Variants in RNF214 observed in about 807,000 individuals in gnomAD.
The protein encoded by RNF214 is ring finger protein 214.
A neutral mutation model predicts 75.9 loss-of-function variants in RNF214; 25 were observed. The ratio of observed to expected loss-of-function variants is 0.33; its 90% CI spans 0.24 to 0.46. The LOEUF (loss-of-function observed/expected upper bound fraction) is 0.46, where lower values mean the gene tolerates loss of function less well. RNF214 is among the 20% of genes least tolerant of loss of function. The pLI, the probability that RNF214 is intolerant of heterozygous loss-of-function variation, is 1.00. For missense variants in RNF214, 725 were observed against 857.5 expected, an observed-to-expected ratio of 0.85 and a Z score of 1.93; for synonymous variants, 314 against 308.8, an observed-to-expected ratio of 1.02 and a Z score of -0.18.
chr11:117,280,353 C>T (rs1354106441), intron 8 of RNF214, 94 bp downstream of exon 8: 10 of 815,554 alleles, frequency 1.2e-5, no homozygotes, highest in Admixed American at 5.8e-5. Flanking sequence ...TAGTCTGGCA[C>T]TTATTCTATC....
At position 117,265,472 on chromosome 11, in the gene RNF214, G is replaced by GGCGT. The variant is rs1235941637; in HGVS notation, c.960-14434_960-14431dup. ...CTTGTTGCCCAGGCTGGAGTGCAAT[G>GGCGT]GCGTGATCTGGGCTCACTGCAACCT... On this transcript the variant is annotated intron_variant, in intron 6 of 14. Coordinates refer to ENST00000300650, the MANE Select transcript of RNF214 (RefSeq NM_207343.4). Among the ~76,000 whole-genome samples, 8 of 151,870 alleles carry GGCGT rather than the reference G, an allele frequency of 5.3e-5. No individual in the cohort carries two copies. In the East Asian group the frequency reaches 1.6e-3, roughly 29 times the overall value.
intron 4 of RNF214, among the ~76,000 whole-genome samples, chr11:117,241,220 A>C (rs1235976086): frequency 6.6e-6 from 1 of 151,800 alleles, no homozygotes; most frequent in Non-Finnish European, 1.5e-5. Context: ...ATTAGCCTGT[A>C]ATCCCAGCTA....
chr11:117,253,930 C>T (rs960552446), intron 6 of RNF214, among the ~76,000 whole-genome samples: 5 of 151,964 alleles, frequency 3.3e-5, no homozygotes, highest in Non-Finnish European at 7.4e-5. Context: ...GGGAGTTATT[C>T]ATTGGAAGCA....
rs563367339 is a variant in RNF214 at position 117,240,988 on chromosome 11, G to A, written c.678+1128G>A. Among the ~76,000 whole-genome samples, 5 of 151,858 alleles carry A rather than the reference G, an allele frequency of 3.3e-5. No homozygotes were observed. In the South Asian group the frequency reaches 1.0e-3, roughly 32 times the overall value. ...GAGCGCAGGAGTTCGAGACCAGCCTGGGCAACATGGCGAAACCCCATCTCT... is the reference window on the plus strand; with the variant it reads ...GAGCGCAGGAGTTCGAGACCAGCCTAGGCAACATGGCGAAACCCCATCTCT... On this transcript the variant is annotated intron_variant, in intron 4 of 14. Coordinates refer to ENST00000300650, the MANE Select transcript of RNF214 (RefSeq NM_207343.4).
Position 117,282,932 on chromosome 11 carries a change from A to C in RNF214, c.1950+82A>C, listed in dbSNP as rs572987220. 61 of 1,134,840 alleles carry C rather than the reference A, an allele frequency of 5.4e-5. No homozygotes were observed. In the African/African-American group the frequency reaches 8.8e-4, roughly 16 times the overall value. The allele number at this position is 1,134,840 out of a possible 1,614,324, so 70.3% of individuals were successfully genotyped here. On this transcript the variant is annotated intron_variant, in intron 13 of 14. Coordinates refer to ENST00000300650, the MANE Select transcript of RNF214 (RefSeq NM_207343.4). ...GTGGGTTTACAGGTGGAGTGCAGGA[A>C]GAAACCATCAGTTGGGTTATTTGCA...
intron 6 of RNF214, among the ~76,000 whole-genome samples, chr11:117,257,933 T>C (rs974289059): frequency 6.6e-6 from 1 of 152,180 alleles, no homozygotes; most frequent in Non-Finnish European, 1.5e-5. Context: ...AATATTTTGT[T>C]ATGAAAATTT....
chr11:117,239,268 C>A (rs2033004918), intron 3 of RNF214, 157 bp downstream of exon 3: 5 of 667,496 alleles, frequency 7.5e-6, no homozygotes, highest in Non-Finnish European at 1.3e-5. Context: ...CAGTGCCATA[C>A]AATGACTTCA....
chr11:117,278,986 A>G (rs2034071821), intron 6 of RNF214, among the ~76,000 whole-genome samples: 1 of 152,142 alleles, frequency 6.6e-6, no homozygotes, highest in Admixed American at 6.5e-5. Flanking sequence ...AGTCCCAGCA[A>G]CTTGGGAGGC....
At chr11:117,279,372 C>T (rs896840443) in intron 6 of RNF214, among the ~76,000 whole-genome samples, 1 of 138,742 alleles carries the variant, frequency 7.2e-6, no homozygotes, top group Admixed American at 7.9e-5. Flanking sequence ...CGCTTTGTAG[C>T]CTAGGCTGGA....
At position 117,285,186 on chromosome 11, in the gene RNF214, G is replaced by C; in HGVS notation, c.*35G>C. The C allele has an allele frequency of 7.0e-7, 1 of 1,438,260 alleles. No homozygotes were observed. Among genetic ancestry groups the C allele is most frequent in the Non-Finnish European group, 9.8e-7 (1 of 1,019,766 alleles). The allele number at this position is 1,438,260 out of a possible 1,614,324, so 89.1% of individuals were successfully genotyped here. ...CTGGGGAGGAAGAAGAAGAGAAACTGATGTGAACAGGAAGCGCGGGTTCAA... is the reference window on the plus strand; with the variant it reads ...CTGGGGAGGAAGAAGAAGAGAAACTCATGTGAACAGGAAGCGCGGGTTCAA... On this transcript the variant is annotated 3_prime_UTR_variant, in exon 15 of 15. Coordinates refer to ENST00000300650, the MANE Select transcript of RNF214 (RefSeq NM_207343.4).
chr11:117,255,275 C>T (rs1271375493), intron 6 of RNF214, among the ~76,000 whole-genome samples: 1 of 152,144 alleles, frequency 6.6e-6, no homozygotes, highest in East Asian at 1.9e-4. Flanking sequence ...TTCTTCCTGT[C>T]CTTGTATCTG....
chr11:117,281,817 C>A, intron 10 of RNF214, 77 bp from the exon 11 acceptor site: 2 of 1,546,950 alleles, frequency 1.3e-6, no homozygotes, highest in South Asian at 1.2e-5. Context: ...AAGAGTTGTT[C>A]ATTGATGTCT....
chr11:117,265,858 C>T (rs879729858), intron 6 of RNF214, among the ~76,000 whole-genome samples: 2 of 152,114 alleles, frequency 1.3e-5, no homozygotes, highest in Non-Finnish European at 2.9e-5. Context: ...TAGCACATAC[C>T]TATTGCTCTA....
intron 6 of RNF214, among the ~76,000 whole-genome samples, chr11:117,266,499 A>G (rs1444139260): frequency 2.0e-5 from 3 of 152,102 alleles, no homozygotes; most frequent in Non-Finnish European, 2.9e-5. Context: ...AGCTAGGACC[A>G]CAGGCGTGCA....
At chr11:117,271,953 C>T (rs1422872084) in intron 6 of RNF214, among the ~76,000 whole-genome samples, 1 of 152,124 alleles carries the variant, frequency 6.6e-6, no homozygotes, top group Non-Finnish European at 1.5e-5. Context: ...GCTAGGACTG[C>T]AGGAGCACAC....
intron 6 of RNF214, among the ~76,000 whole-genome samples, chr11:117,276,352 G>C (rs1029005727): frequency 6.6e-6 from 1 of 152,186 alleles, no homozygotes; most frequent in African/African-American, 2.4e-5. Context: ...GCTCATGCTT[G>C]TAATCCCAGA....
intron 6 of RNF214, among the ~76,000 whole-genome samples, chr11:117,275,224 CAG>C (rs929326759): frequency 3.3e-5 from 5 of 152,028 alleles, no homozygotes; most frequent in African/African-American, 1.2e-4. Flanking sequence ...ATAACGGTGA[CAG>C]AAGTTATCAA....
chr11:117,248,376 A>G (rs1484244092), intron 6 of RNF214, among the ~76,000 whole-genome samples: 1 of 152,170 alleles, frequency 6.6e-6, no homozygotes, highest in Non-Finnish European at 1.5e-5. Flanking sequence ...GCGCCCAGCC[A>G]ATTTTCTAAG....
At position 117,239,864 on chromosome 11, in the gene RNF214, A is replaced by T; in HGVS notation, c.678+4A>T. On this transcript the variant is annotated splice_donor_region_variant and intron_variant, in intron 4 of 14. Transcript: ENST00000300650. ...TCAAGATATTGAAAAGAATTTGGTAAGTATTTAAACTGTCCTTGTTATATG... is the reference window on the plus strand; with the variant it reads ...TCAAGATATTGAAAAGAATTTGGTATGTATTTAAACTGTCCTTGTTATATG... 6.8e-7 allele frequency: 1 copy of T among 1,479,756 alleles called. No individual in the cohort carries two copies. Among genetic ancestry groups the T allele is most frequent in the Non-Finnish European group, 9.5e-7 (1 of 1,058,080 alleles). The allele number at this position is 1,479,756 out of a possible 1,614,324, so 91.7% of individuals were successfully genotyped here. A position where few individuals can be genotyped will look rare whatever the true frequency, so the allele number is the denominator to read the frequency against.
Sources: gnomAD v4.1 joint callset for allele counts (sites outside exome capture counted in the v4.1 genomes callset) on GRCh38, gnomAD v4.1.1 for gene constraint, MANE v1.5 for transcripts, NCBI Gene and HGNC (gene_info 2026-07-23, HGNC 2026-07-21) for gene names.